Variants in SCD5 observed in about 807,000 individuals in gnomAD.
SCD5 encodes stearoyl-CoA desaturase 5.
SCD5 carries 20 observed loss-of-function variants against 30.4 expected under a neutral mutation model. That is an observed-to-expected ratio of 0.66 (90% CI 0.46 to 0.96). The LOEUF (loss-of-function observed/expected upper bound fraction) is 0.96. Among genes scored for constraint, SCD5 ranks in the 40% least tolerant of loss-of-function variants. The probability of loss-of-function intolerance (pLI) is 0.00; values close to 1 mark genes in which losing one functional copy is unlikely to be tolerated. For missense variants in SCD5, 381 were observed against 443.3 expected (o/e 0.86, Z 1.26); for synonymous variants, 173 against 176.4 (o/e 0.98, Z 0.16).
chr4:82,641,077 A>G (rs1727532547), intron 3 of SCD5, among the ~76,000 whole-genome samples: 6 of 152,078 alleles, frequency 3.9e-5, no homozygotes. Context: ...TGCTTACTAC[A>G]TGCCCTAGAA....
At chr4:82,642,478 T>C (rs1727564995) in intron 3 of SCD5, among the ~76,000 whole-genome samples, 1 of 152,206 alleles carries the variant, frequency 6.6e-6, no homozygotes. Context: ...CTTCTTCCTC[T>C]TCTTAAACTG....
intron 3 of SCD5, among the ~76,000 whole-genome samples, chr4:82,644,962 G>A (rs1248521266): frequency 1.3e-5 from 2 of 152,208 alleles, no homozygotes; most frequent in African/African-American, 4.8e-5. Flanking sequence ...CTTCCTCTCT[G>A]CCTATCTATG....
At chr4:82,796,142 C>T (rs1165559019) in intron 1 of SCD5, among the ~76,000 whole-genome samples, 2 of 151,938 alleles carry the variant, frequency 1.3e-5, no homozygotes, top group Non-Finnish European at 2.9e-5. Context: ...TGGTGGCGGG[C>T]ACCTGTAATC....
At chr4:82,666,190 A>G (rs763607126) in intron 3 of SCD5, among the ~76,000 whole-genome samples, 1 of 152,224 alleles carries the variant, frequency 6.6e-6, no homozygotes, top group Non-Finnish European at 1.5e-5. Flanking sequence ...AAGAGACACT[A>G]AAAAGGCAAG....
At chr4:82,753,427 A>C (rs746481105) in intron 1 of SCD5, 10 of 528,656 alleles carry the variant, frequency 1.9e-5, no homozygotes, top group Non-Finnish European at 3.5e-5. Flanking sequence ...GGCAGGGCTG[A>C]ATTTAAAGGC....
At chr4:82,702,476 C>T (rs1443888317) in intron 2 of SCD5, among the ~76,000 whole-genome samples, 1 of 152,044 alleles carries the variant, frequency 6.6e-6, no homozygotes, top group Non-Finnish European at 1.5e-5. Flanking sequence ...AAAGTATCTC[C>T]ACCTTTCCTA....
chr4:82,713,623 G>A (rs1720157474), intron 1 of SCD5, among the ~76,000 whole-genome samples: 1 of 152,198 alleles, frequency 6.6e-6, no homozygotes. Flanking sequence ...ATCTCCAGGA[G>A]GGCAGGGATT....
At chr4:82,734,928 C>A (rs1248549885) in intron 1 of SCD5, among the ~76,000 whole-genome samples, 2 of 151,986 alleles carry the variant, frequency 1.3e-5, no homozygotes, top group African/African-American at 4.8e-5. Flanking sequence ...CCATGCCCAG[C>A]TAATTTTTTG....
At chr4:82,753,535 C>T (rs1235251628) in intron 1 of SCD5, 1 of 433,556 alleles carries the variant, frequency 2.3e-6, no homozygotes, top group Non-Finnish European at 4.8e-6. Context: ...TGGGCTGAGT[C>T]ACCTGCGGGG....
intron 1 of SCD5, among the ~76,000 whole-genome samples, chr4:82,768,903 A>G (rs996340008): frequency 4.0e-5 from 6 of 151,186 alleles, no homozygotes; most frequent in Admixed American, 6.6e-5. Flanking sequence ...CTCTGCATCA[A>G]TTTTTCAGGT....
At chr4:82,741,954 C>T (rs1196204906) in intron 1 of SCD5, among the ~76,000 whole-genome samples, 1 of 151,626 alleles carries the variant, frequency 6.6e-6, no homozygotes, top group Non-Finnish European at 1.5e-5. Context: ...GATGGGCATG[C>T]CTGTAGTCCC....
intron 2 of SCD5, 131 bp from the exon 3 acceptor site, chr4:82,681,043 C>T: frequency 1.4e-6 from 1 of 708,930 alleles, no homozygotes; most frequent in Admixed American, 2.6e-5. Context: ...CTTCAACCCA[C>T]AGTCCCTCAA....
At position 82,762,045 on chromosome 4, in the gene SCD5, G is replaced by T. The variant is rs558699478; in HGVS notation, c.232+36261C>A. 7.2e-5 allele frequency among the ~76,000 whole-genome samples: 11 copies of T among 151,746 alleles called. No homozygotes were observed. In the East Asian group the frequency reaches 2.2e-3, roughly 30 times the overall value. ...AAAAAGTAGCCAGGAGTAGTGGTAG[G>T]TGCCTGTGGTCCCAGCTACATGGGG... On this transcript the variant is annotated intron_variant, in intron 1 of 4. Coordinates refer to ENST00000319540, the MANE Select transcript of SCD5 (RefSeq NM_001037582.3).
intron 1 of SCD5, among the ~76,000 whole-genome samples, chr4:82,796,281 A>AG (rs1722219341): frequency 6.6e-6 from 1 of 151,956 alleles, no homozygotes; most frequent in Non-Finnish European, 1.5e-5. Context: ...AAAAAAAAAA[A>AG]AAGACTTAGG....
intron 3 of SCD5, among the ~76,000 whole-genome samples, chr4:82,679,518 C>T (rs1027395611): frequency 1.3e-5 from 2 of 152,152 alleles, no homozygotes; most frequent in Admixed American, 1.3e-4. Context: ...TCACGAAGCT[C>T]TTACTATGTG....
intron 2 of SCD5, among the ~76,000 whole-genome samples, chr4:82,690,346 G>T (rs1728805737): frequency 6.6e-6 from 1 of 152,174 alleles, no homozygotes; most frequent in Non-Finnish European, 1.5e-5. Context: ...TCTAGGTGAA[G>T]GCTATACCCA....
intron 1 of SCD5, among the ~76,000 whole-genome samples, chr4:82,755,113 G>C (rs928668272): frequency 2.4e-4 from 33 of 139,760 alleles, no homozygotes; most frequent in African/African-American, 8.3e-4. Context: ...CTAACAAGAA[G>C]ATGGGGGGTG....
chr4:82,649,180 G>GGT (rs55991339), intron 3 of SCD5, among the ~76,000 whole-genome samples: 1,565 of 144,092 alleles, frequency 0.011, 20 homozygotes, highest in African/African-American at 0.03. Context: ...GGGTGAGAGG[G>GGT]GTGTGTGTGT....
At chr4:82,751,623 T>TTTAG (rs36078220) in intron 1 of SCD5, among the ~76,000 whole-genome samples, 35 of 152,106 alleles carry the variant, frequency 2.3e-4, no homozygotes, top group Non-Finnish European at 4.4e-4. Flanking sequence ...TTTACTTTTA[T>TTTAG]TTAGTTAGTT....
Sources: gnomAD v4.1 joint callset for allele counts (sites outside exome capture counted in the v4.1 genomes callset) on GRCh38, gnomAD v4.1.1 for gene constraint, MANE v1.5 for transcripts, NCBI Gene and HGNC (gene_info 2026-07-23, HGNC 2026-07-21) for gene names.